Variants in CHD1L observed in about 807,000 individuals in gnomAD.
The protein encoded by CHD1L is chromodomain helicase DNA binding protein 1 like, also known as ATP-dependent chromatin remodeler CHD1L.
Under a neutral mutation model 115.9 loss-of-function variants are expected in CHD1L, and 118 were observed. The ratio of observed to expected loss-of-function variants is 1.02; its 90% confidence interval spans 0.88 to 1.19. The LOEUF (loss-of-function observed/expected upper bound fraction) is 1.19. Ranked by LOEUF, CHD1L falls within the 50% of genes most tolerant of loss-of-function variation. CHD1L has a pLI of 0.00. For synonymous variants in CHD1L, 411 were observed against 387.1 expected (o/e 1.06, Z -0.72); for missense variants, 1,179 against 1,065.3 (o/e 1.11, Z -1.49).
intron 19 of CHD1L, among the ~76,000 whole-genome samples, chr1:147,291,091 A>G (rs1257404832): frequency 2.0e-5 from 3 of 152,230 alleles, no homozygotes; most frequent in South Asian, 2.1e-4. Flanking sequence ...GTAGGAAAAT[A>G]TATTATACAA....
At chr1:147,235,202 C>T in the CHD1L span, among the ~76,000 whole-genome samples, 1 of 151,940 alleles carries the variant, frequency 6.6e-6, no homozygotes, top group African/African-American at 2.4e-5. Flanking sequence ...TGCCTGTAGA[C>T]ACCCCAAGCA....
At chr1:147,261,206 C>T (rs1188964193) in intron 6 of CHD1L, among the ~76,000 whole-genome samples, 2 of 152,130 alleles carry the variant, frequency 1.3e-5, no homozygotes, top group African/African-American at 4.8e-5. Flanking sequence ...CTTCTGAGAG[C>T]TTGTCTTGGT....
the CHD1L span, among the ~76,000 whole-genome samples, chr1:147,220,638 T>C: frequency 6.6e-6 from 1 of 152,232 alleles, no homozygotes; most frequent in East Asian, 1.9e-4. Flanking sequence ...TCAATAGTGA[T>C]ATTATCTAGG....
rs1675977557 is a variant in CHD1L at position 147,270,998 on chromosome 1, T to C, written c.1152T>C (p.Asp384=). The stretch of plus-strand genomic sequence containing the variant: ...TGGATATTCTCCAAGACTATATGGA[T>C]TACAGAGGTGACACCTTTTGGCCAC... ...QMLDILQDYM[D]YRGYSYERVD... is the part of the protein sequence containing the mutation. Residue 384 remains aspartate (D), a synonymous_variant, in exon 11 of 23, where the codon GAT becomes GAC. Transcript: ENST00000369258. 3 of 1,613,718 alleles carry C rather than the reference T, an allele frequency of 1.9e-6. No individual in the cohort carries two copies. Among genetic ancestry groups the C allele is most frequent in the Admixed American group, 1.7e-5 (1 of 59,992 alleles).
the CHD1L span, among the ~76,000 whole-genome samples, chr1:147,200,889 C>G: frequency 1.2e-4 from 19 of 152,096 alleles, no homozygotes; most frequent in South Asian, 4.1e-4. Flanking sequence ...GTTATGACTG[C>G]CCCACCCCAG....
At chr1:147,235,794 CTATGG>C in the CHD1L span, among the ~76,000 whole-genome samples, 3 of 152,098 alleles carry the variant, frequency 2.0e-5, no homozygotes, top group African/African-American at 7.2e-5. Context: ...TTTTGGCTTC[CTATGG>C]TATATTATTG....
At chr1:147,242,273 G>A (rs183072668), upstream of CHD1L, among the ~76,000 whole-genome samples, 1 of 152,314 alleles carries the variant, frequency 6.6e-6, no homozygotes, top group Non-Finnish European at 1.5e-5. Context: ...AACCGAACAA[G>A]AACAGTTTGA....
chr1:147,266,704 A>G (rs1273452037), intron 8 of CHD1L, among the ~76,000 whole-genome samples: 1 of 152,212 alleles, frequency 6.6e-6, no homozygotes, highest in Non-Finnish European at 1.5e-5. Flanking sequence ...TGATGCCTGC[A>G]TTTTGGATAT....
chr1:147,261,157 G>T (rs1386909649), intron 6 of CHD1L, among the ~76,000 whole-genome samples: 2 of 152,190 alleles, frequency 1.3e-5, no homozygotes, highest in African/African-American at 2.4e-5. Context: ...TATCCCTGGT[G>T]TCCTTTGCTT....
At chr1:147,282,994 T>A (rs1405796694) in intron 15 of CHD1L, among the ~76,000 whole-genome samples, 1 of 152,162 alleles carries the variant, frequency 6.6e-6, no homozygotes, top group African/African-American at 2.4e-5. Context: ...ATAGGAAGTA[T>A]GATTACAAAG....
At chr1:147,206,527 T>C in the CHD1L span, among the ~76,000 whole-genome samples, 1 of 152,104 alleles carries the variant, frequency 6.6e-6, no homozygotes, top group Non-Finnish European at 1.5e-5. Flanking sequence ...TGTCCAACAA[T>C]GATAGACTGG....
At chr1:147,204,955 C>G in the CHD1L span, 7 of 1,420,370 alleles carry the variant, frequency 4.9e-6, no homozygotes, top group African/African-American at 7.0e-5. Flanking sequence ...GGAAGCCGTT[C>G]ACGTGACCGC....
intron 5 of CHD1L, 96 bp downstream of exon 5, chr1:147,256,658 C>G: frequency 8.4e-7 from 1 of 1,193,286 alleles, no homozygotes; most frequent in Non-Finnish European, 1.2e-6. Context: ...CCTGGCATGT[C>G]TGGTATGTCT....
chr1:147,284,187 C>G (rs587649022), intron 15 of CHD1L, among the ~76,000 whole-genome samples, 164 bp from the exon 16 acceptor site: 1 of 152,154 alleles, frequency 6.6e-6, no homozygotes, highest in Non-Finnish European at 1.5e-5. Context: ...AACCCACATT[C>G]TTCAGTGTCA....
At chr1:147,186,448 T>C in the CHD1L span, 1 of 925,774 alleles carries the variant, frequency 1.1e-6, no homozygotes, top group South Asian at 5.0e-5. Context: ...AGGAAACATA[T>C]TTAGTTATAA....
chr1:147,291,611 A>G (rs1405744578), intron 20 of CHD1L, 59 bp downstream of exon 20: 1 of 1,391,826 alleles, frequency 7.2e-7, no homozygotes, highest in Non-Finnish European at 1.0e-6. Context: ...CTTCTCTTGA[A>G]GTGTCCCCTG....
At chr1:147,218,402 AT>A in the CHD1L span, among the ~76,000 whole-genome samples, 3 of 135,660 alleles carry the variant, frequency 2.2e-5, no homozygotes, top group Admixed American at 1.5e-4. Context: ...TGCCTGGCTA[AT>A]TTTTTTTGTG....
chr1:147,256,800 G>A (rs587657064), intron 5 of CHD1L, among the ~76,000 whole-genome samples: 1 of 152,190 alleles, frequency 6.6e-6, no homozygotes, highest in African/African-American at 2.4e-5. Context: ...TGTAAAATGA[G>A]GATAATTGTT....
upstream of CHD1L, among the ~76,000 whole-genome samples, chr1:147,241,772 C>T (rs1664916346): frequency 6.6e-6 from 1 of 152,138 alleles, no homozygotes; most frequent in Non-Finnish European, 1.5e-5. Context: ...CATGAGTTTA[C>T]TGAAGAAGGA....
Sources: gnomAD v4.1 joint callset for allele counts (sites outside exome capture counted in the v4.1 genomes callset) on GRCh38, gnomAD v4.1.1 for gene constraint, MANE v1.5 for transcripts, NCBI Gene and HGNC (gene_info 2026-07-23, HGNC 2026-07-21) for gene names.